Variants in SUGCT observed in about 807,000 individuals in gnomAD.
SUGCT encodes succinyl-CoA:glutarate CoA-transferase.
A neutral mutation model predicts 55.0 loss-of-function variants in SUGCT; 41 were observed. The observed-to-expected ratio is 0.74, with a 90% confidence interval of 0.58 to 0.97. SUGCT has a LOEUF of 0.97. Ranked by LOEUF, SUGCT falls within the 50% of genes least tolerant of loss-of-function variation. The pLI, the probability that SUGCT is intolerant of heterozygous loss-of-function variation, is 0.00. For missense variants in SUGCT, 568 were observed against 547.8 expected (o/e 1.04, Z -0.37); for synonymous variants, 187 against 200.4 (o/e 0.93, Z 0.56).
intron 12 of SUGCT, among the ~76,000 whole-genome samples, chr7:40,535,471 T>A (rs1451311823): frequency 6.6e-6 from 1 of 152,348 alleles, no homozygotes; most frequent in Non-Finnish European, 1.5e-5. Context: ...GTTCAGCCAC[T>A]GTGGAAAGGA....
the SUGCT span, among the ~76,000 whole-genome samples, chr7:40,889,112 TC>T: frequency 6.6e-6 from 1 of 152,168 alleles, no homozygotes; most frequent in Non-Finnish European, 1.5e-5. Context: ...AGAAGGCTGG[TC>T]CAGGAGTTAA....
the SUGCT span, among the ~76,000 whole-genome samples, chr7:40,994,694 C>A: frequency 3.9e-5 from 6 of 152,114 alleles, no homozygotes; most frequent in Admixed American, 1.3e-4. Context: ...TTGAGAAGTG[C>A]GATTCCCAGG....
At chr7:41,014,885 G>C in the SUGCT span, among the ~76,000 whole-genome samples, 1 of 152,158 alleles carries the variant, frequency 6.6e-6, no homozygotes, top group Non-Finnish European at 1.5e-5. Context: ...TAGATGAATA[G>C]GCTGGGGAAA....
At chr7:40,583,679 T>C (rs1315206213) in intron 12 of SUGCT, among the ~76,000 whole-genome samples, 1 of 152,152 alleles carries the variant, frequency 6.6e-6, no homozygotes, top group Non-Finnish European at 1.5e-5. Context: ...ATCTTATGGG[T>C]TATAATAATC....
At chr7:40,340,298 A>G (rs1287960316) in intron 9 of SUGCT, among the ~76,000 whole-genome samples, 1 of 152,162 alleles carries the variant, frequency 6.6e-6, no homozygotes, top group Non-Finnish European at 1.5e-5. Context: ...TGGTACAGGA[A>G]ATAATCTGTG....
At chr7:40,899,859 C>A in the SUGCT span, among the ~76,000 whole-genome samples, 494 of 152,298 alleles carry the variant, frequency 3.2e-3, 2 homozygotes, top group African/African-American at 0.011. Context: ...CCTTCCCGAG[C>A]GTATGGCCAT....
chr7:40,824,628 A>G (rs1792221188), intron 13 of SUGCT, among the ~76,000 whole-genome samples: 2 of 152,214 alleles, frequency 1.3e-5, no homozygotes, highest in East Asian at 1.9e-4. Flanking sequence ...TCGTGCTGCT[A>G]TAACAGAACA....
At chr7:40,492,639 A>G (rs1170279069) in intron 11 of SUGCT, among the ~76,000 whole-genome samples, 1 of 152,142 alleles carries the variant, frequency 6.6e-6, no homozygotes, top group Non-Finnish European at 1.5e-5. Context: ...CTTTGTATAT[A>G]TTGCTCTCTC....
chr7:40,249,751 C>G (rs191796348), intron 7 of SUGCT, among the ~76,000 whole-genome samples: 11 of 152,082 alleles, frequency 7.2e-5, no homozygotes, highest in African/African-American at 2.4e-4. Context: ...GGTGGAATAA[C>G]TTAACTGCTA....
intron 12 of SUGCT, among the ~76,000 whole-genome samples, chr7:40,674,247 T>C (rs1420707830): frequency 6.6e-6 from 1 of 152,232 alleles, no homozygotes; most frequent in African/African-American, 2.4e-5. Flanking sequence ...ACACAGTCTG[T>C]GGAAAGTTTC....
intron 12 of SUGCT, among the ~76,000 whole-genome samples, chr7:40,558,913 A>G (rs1256189355): frequency 6.6e-6 from 1 of 152,224 alleles, no homozygotes; most frequent in African/African-American, 2.4e-5. Context: ...TGAATTGTCT[A>G]TAAGCATTTA....
At chr7:40,473,844 G>A (rs1790522172) in intron 11 of SUGCT, among the ~76,000 whole-genome samples, 1 of 152,150 alleles carries the variant, frequency 6.6e-6, no homozygotes, top group Non-Finnish European at 1.5e-5. Context: ...GGCCAATCAG[G>A]TAAGTAAGAG....
intron 12 of SUGCT, among the ~76,000 whole-genome samples, chr7:40,542,803 C>T (rs1048535958): frequency 6.6e-6 from 1 of 152,160 alleles, no homozygotes; most frequent in African/African-American, 2.4e-5. Context: ...CTTTAGGGAA[C>T]CCTGTTTATG....
intron 13 of SUGCT, among the ~76,000 whole-genome samples, chr7:40,822,203 A>C (rs549819042): frequency 1.3e-5 from 2 of 152,186 alleles, no homozygotes; most frequent in Non-Finnish European, 2.9e-5. Flanking sequence ...CAATTTTGTA[A>C]TAAGTGCGAT....
intron 12 of SUGCT, among the ~76,000 whole-genome samples, chr7:40,704,074 T>C (rs1785285562): frequency 6.6e-6 from 1 of 152,188 alleles, no homozygotes. Context: ...GTCCAAAAGC[T>C]CCCTCTAGAG....
chr7:40,455,729 G>A (rs1046915177), intron 10 of SUGCT, among the ~76,000 whole-genome samples: 4 of 152,180 alleles, frequency 2.6e-5, no homozygotes, highest in African/African-American at 7.2e-5. Context: ...TTATCTAAAA[G>A]CTAGATTCCA....
intron 9 of SUGCT, among the ~76,000 whole-genome samples, chr7:40,415,715 A>T (rs181994657): frequency 6.6e-6 from 1 of 152,256 alleles, no homozygotes; most frequent in East Asian, 1.9e-4. Context: ...TTACAGATAG[A>T]TAACTAGTTT....
chr7:40,393,416 T>C (rs928972549), intron 9 of SUGCT, among the ~76,000 whole-genome samples: 1 of 152,148 alleles, frequency 6.6e-6, no homozygotes, highest in East Asian at 1.9e-4. Context: ...AGCGATTTGA[T>C]AGAATGATCT....
At chr7:40,412,610 C>A (rs765572664) in intron 9 of SUGCT, among the ~76,000 whole-genome samples, 1 of 152,074 alleles carries the variant, frequency 6.6e-6, no homozygotes, top group South Asian at 2.1e-4. Context: ...CATTTTATGT[C>A]TCCCATAATT....
Sources: gnomAD v4.1 joint callset for allele counts (sites outside exome capture counted in the v4.1 genomes callset) on GRCh38, gnomAD v4.1.1 for gene constraint, MANE v1.5 for transcripts, NCBI Gene and HGNC (gene_info 2026-07-23, HGNC 2026-07-21) for gene names.